Variants in GAS7 observed in about 807,000 individuals in gnomAD.
The protein encoded by GAS7 is growth arrest-specific protein 7.
In GAS7, 28 loss-of-function variants were observed where a neutral mutation model predicts 71.1. The observed-to-expected ratio is 0.39, with a 90% confidence interval of 0.29 to 0.54. The LOEUF (loss-of-function observed/expected upper bound fraction) is 0.54. Among genes scored for constraint, GAS7 ranks in the 20% least tolerant of loss-of-function variants. The probability of loss-of-function intolerance (pLI) is 0.62; values close to 1 mark genes in which losing one functional copy is unlikely to be tolerated. For missense variants in GAS7, 436 were observed against 627.8 expected, an observed-to-expected ratio of 0.69 and a Z score of 3.27; for synonymous variants, 258 against 245.8, an observed-to-expected ratio of 1.05 and a Z score of -0.46.
chr17:9,936,681 G>T (rs1413247530), intron 8 of GAS7, among the ~76,000 whole-genome samples: 3 of 152,158 alleles, frequency 2.0e-5, no homozygotes, highest in Admixed American at 2.0e-4. Context: ...CATTTGAAAA[G>T]AGATTTTTCA....
intron 1 of GAS7, among the ~76,000 whole-genome samples, chr17:10,040,672 A>AGG: frequency 6.6e-6 from 1 of 151,924 alleles, no homozygotes; most frequent in South Asian, 2.1e-4. Context: ...CCAGCCATGA[A>AGG]GAGGAGGCAA....
At chr17:10,038,910 A>C (rs2072810442) in intron 1 of GAS7, among the ~76,000 whole-genome samples, 1 of 152,074 alleles carries the variant, frequency 6.6e-6, no homozygotes, top group Non-Finnish European at 1.5e-5. Flanking sequence ...GATGGACCTT[A>C]AGGACATTAT....
intron 2 of GAS7, among the ~76,000 whole-genome samples, chr17:9,984,180 T>C (rs2070544997): frequency 6.6e-6 from 1 of 152,180 alleles, no homozygotes; most frequent in South Asian, 2.1e-4. Flanking sequence ...GGTTCTTGAC[T>C]CAACTTTGCT....
chr17:10,119,504 T>G lies in GAS7; in HGVS notation c.183+78704A>C, dbSNP rs1353200566. Among the ~76,000 whole-genome samples the G allele has an allele frequency of 2.6e-5, 4 of 152,330 alleles. No homozygotes were observed. In the East Asian group the frequency reaches 7.7e-4, roughly 29 times the overall value. On this transcript the variant is annotated intron_variant, in intron 1 of 13. Coordinates refer to ENST00000432992, the MANE Select transcript of GAS7 (RefSeq NM_201433.2). ...CGACCATGCCAATCATGACGAAACATGCTAAACAAGCTGGGGGATGCTCCC... is the reference window on the plus strand; with the variant it reads ...CGACCATGCCAATCATGACGAAACAGGCTAAACAAGCTGGGGGATGCTCCC...
At chr17:10,126,663 T>G (rs374160836) in intron 1 of GAS7, among the ~76,000 whole-genome samples, 4 of 152,284 alleles carry the variant, frequency 2.6e-5, no homozygotes, top group African/African-American at 7.2e-5. Context: ...CTCAAGATCT[T>G]CCTCCTGCTC....
chr17:10,144,941 C>A (rs780687937), intron 1 of GAS7, among the ~76,000 whole-genome samples: 8 of 152,202 alleles, frequency 5.3e-5, no homozygotes, highest in Non-Finnish European at 1.0e-4. Context: ...TAGTTCCTGC[C>A]CGTCTCTGAT....
At chr17:10,159,432 G>C (rs1290542775) in intron 1 of GAS7, among the ~76,000 whole-genome samples, 2 of 151,952 alleles carry the variant, frequency 1.3e-5, no homozygotes, top group Non-Finnish European at 2.9e-5. Context: ...ATAATTGATG[G>C]TGTATTTATT....
At chr17:10,133,123 T>TATATATATATATATATATA (rs770717224) in intron 1 of GAS7, among the ~76,000 whole-genome samples, 132 of 129,244 alleles carry the variant, frequency 1.0e-3, no homozygotes, top group South Asian at 2.1e-3. Flanking sequence ...TATTTTTATA[T>TATATATATATATATATATA]TTTTTTTTTT....
Position 10,049,745 on chromosome 17 carries a change from C to G in GAS7, c.184-29848G>C, listed in dbSNP as rs113467012. Among the ~76,000 whole-genome samples the G allele has an allele frequency of 2.8e-3, 417 of 150,680 alleles. 2 individuals carry two copies. Among genetic ancestry groups the G allele is most frequent in the African/African-American group, 9.7e-3 (397 of 40,938 alleles). ...ACGCCATTCTCCAGCCTCAGCCTCCCGAGTAGCTGGGACTACAGGTGCCTG... is the reference window on the plus strand; with the variant it reads ...ACGCCATTCTCCAGCCTCAGCCTCCGGAGTAGCTGGGACTACAGGTGCCTG... On this transcript the variant is annotated intron_variant, in intron 1 of 13. Coordinates refer to ENST00000432992, the MANE Select transcript of GAS7 (RefSeq NM_201433.2).
intron 1 of GAS7, among the ~76,000 whole-genome samples, chr17:10,142,638 C>T (rs1383670441): frequency 1.3e-5 from 2 of 152,186 alleles, no homozygotes; most frequent in Non-Finnish European, 2.9e-5. Flanking sequence ...AGGCATGAGC[C>T]ACCGTGCCTG....
chr17:10,099,894 C>T (rs958534853), intron 1 of GAS7, among the ~76,000 whole-genome samples: 3 of 152,176 alleles, frequency 2.0e-5, no homozygotes, highest in Non-Finnish European at 4.4e-5. Flanking sequence ...TCTCTAAAAG[C>T]ATATAACAGG....
chr17:9,956,862 C>T (rs1438952882), intron 5 of GAS7, among the ~76,000 whole-genome samples: 2 of 152,204 alleles, frequency 1.3e-5, no homozygotes, highest in African/African-American at 4.8e-5. Flanking sequence ...CCTGAGCCAT[C>T]CCTTTCGCCC....
intron 1 of GAS7, among the ~76,000 whole-genome samples, chr17:10,040,268 G>A (rs1224407156): frequency 6.6e-6 from 1 of 152,230 alleles, no homozygotes; most frequent in Non-Finnish European, 1.5e-5. Context: ...GAGCCAAGGT[G>A]AGAGAGAAAC....
intron 2 of GAS7, among the ~76,000 whole-genome samples, chr17:10,015,382 G>C (rs541566633): frequency 6.6e-6 from 1 of 152,126 alleles, no homozygotes; most frequent in Non-Finnish European, 1.5e-5. Context: ...GCTTAGAACC[G>C]GGACTGCACT....
rs2074299428 is a variant in GAS7 at position 10,167,044 on chromosome 17, C to CCTTTTTTTT, written c.183+31163_183+31164insAAAAAAAAG. On this transcript the variant is annotated intron_variant, in intron 1 of 13. Coordinates refer to ENST00000432992, the MANE Select transcript of GAS7 (RefSeq NM_201433.2). ...AAACCAATCTACTATTTCCATTTGTCTTTTTTTTTTTTTTTTTTTTTTTTT... is the reference window on the plus strand; with the variant it reads ...AAACCAATCTACTATTTCCATTTGTCCTTTTTTTTTTTTTTTTTTTTTTTTTTTTTTTTT... Among the ~76,000 whole-genome samples, 3 of 58,818 alleles carry CCTTTTTTTT rather than the reference C, an allele frequency of 5.1e-5. No individual in the cohort carries two copies. The East Asian group carries it at 1.5e-3, about 30-fold the overall frequency. The allele number at this position is 58,818 out of a possible 152,430, so 38.6% of individuals were successfully genotyped here. A position where few individuals can be genotyped will look rare whatever the true frequency, so the allele number is the denominator to read the frequency against.
intron 5 of GAS7, among the ~76,000 whole-genome samples, chr17:9,955,725 G>A (rs2069204627): frequency 6.6e-6 from 1 of 152,224 alleles, no homozygotes; most frequent in African/African-American, 2.4e-5. Flanking sequence ...GGGTGCTCAA[G>A]AGGGAGCCAG....
At chr17:10,068,288 G>C (rs2073303730) in intron 1 of GAS7, among the ~76,000 whole-genome samples, 1 of 152,004 alleles carries the variant, frequency 6.6e-6, no homozygotes, top group African/African-American at 2.4e-5. Flanking sequence ...CGGAACCTTT[G>C]CTAGAAAGCC....
chr17:9,948,560 G>A (rs2068879464), intron 5 of GAS7, among the ~76,000 whole-genome samples: 2 of 152,130 alleles, frequency 1.3e-5, no homozygotes, highest in South Asian at 4.1e-4. Flanking sequence ...GCATGTGCCT[G>A]TAATCCCAGC....
rs1019032404 is a variant in GAS7 at position 9,911,655 on chromosome 17, T to A, written c.*5573A>T. ...TCCAGGAAAGCCTCAACAAAAATAC[T>A]CCTGAGGGGGAGACAAGAGTCCTCC... On this transcript the variant is annotated 3_prime_UTR_variant, in exon 14 of 14. Coordinates refer to ENST00000432992, the MANE Select transcript of GAS7 (RefSeq NM_201433.2). This position sits in a 1 kb window ranked among gnomAD's most constrained non-coding sequence, Gnocchi z 4.0. The A allele has an allele frequency of 5.2e-5, 12 of 232,606 alleles. No homozygotes were observed. The highest frequency in any genetic ancestry group is 6.8e-5 in the Non-Finnish European group (8 of 117,732). The allele number at this position is 232,606 out of a possible 1,614,324, so 14.4% of individuals were successfully genotyped here.
Sources: allele counts gnomAD v4.1 joint callset (sites outside exome capture counted in the v4.1 genomes callset), GRCh38; gene constraint gnomAD v4.1.1; non-coding constraint Gnocchi (gnomAD v3.1); transcripts MANE v1.5; gene names NCBI Gene and HGNC (gene_info 2026-07-23, HGNC 2026-07-21).